STARD13: variants seen among roughly 807,000 people sequenced by gnomAD.
The protein encoded by STARD13 is StAR related lipid transfer domain containing 13, also known as stAR-related lipid transfer protein 13.
In STARD13, 62 loss-of-function variants were observed where a neutral mutation model predicts 106.4. The observed-to-expected ratio is 0.58, with a 90% CI of 0.48 to 0.72. STARD13 has a LOEUF of 0.72. Among genes scored for constraint, STARD13 ranks in the 30% least tolerant of loss-of-function variants. The pLI is 0.00. For synonymous variants in STARD13, 565 were observed against 553.0 expected (o/e 1.02, Z -0.31); for missense variants, 1,387 against 1,424.0 (o/e 0.97, Z 0.42).
At chr13:33,559,207 C>A in the STARD13 span, among the ~76,000 whole-genome samples, 3 of 151,548 alleles carry the variant, frequency 2.0e-5, no homozygotes, top group Non-Finnish European at 4.4e-5. Flanking sequence ...TAACTATTTT[C>A]TAAACTACAT....
the STARD13 span, among the ~76,000 whole-genome samples, chr13:33,492,498 A>G: frequency 6.6e-6 from 1 of 152,168 alleles, no homozygotes; most frequent in Non-Finnish European, 1.5e-5. Flanking sequence ...TAGGTCATAA[A>G]GACTTTGCTG....
intron 1 of STARD13, among the ~76,000 whole-genome samples, chr13:33,261,880 G>T (rs1395152486): frequency 2.0e-5 from 3 of 152,142 alleles, no homozygotes; most frequent in South Asian, 2.1e-4. Flanking sequence ...TGTATGCACG[G>T]GTTGCTTGGG....
the STARD13 span, among the ~76,000 whole-genome samples, chr13:33,564,450 A>G: frequency 2.1e-5 from 3 of 146,162 alleles, no homozygotes; most frequent in Non-Finnish European, 3.0e-5. Flanking sequence ...GGGAATGTAA[A>G]TTAGTAGAGT....
At chr13:33,501,023 T>TA in the STARD13 span, among the ~76,000 whole-genome samples, 222 of 143,068 alleles carry the variant, frequency 1.6e-3, no homozygotes, top group African/African-American at 5.2e-3. Flanking sequence ...AAAAAAAACC[T>TA]AAAAAAATAA....
chr13:33,290,702 C>A (rs1428325028), upstream of STARD13, among the ~76,000 whole-genome samples: 3 of 152,266 alleles, frequency 2.0e-5, no homozygotes, highest in African/African-American at 7.2e-5. Flanking sequence ...TGTGCTCTCC[C>A]GTATGCCATT....
chr13:33,553,913 T>C, the STARD13 span, among the ~76,000 whole-genome samples: 169 of 152,190 alleles, frequency 1.1e-3, no homozygotes, highest in African/African-American at 3.9e-3. Context: ...TCCCAATAAT[T>C]ATATCAAAAT....
chr13:33,174,083 G>A (rs1884267602), intron 1 of STARD13, among the ~76,000 whole-genome samples: 2 of 152,110 alleles, frequency 1.3e-5, no homozygotes, highest in Admixed American at 6.5e-5. Flanking sequence ...AAAGAAGATC[G>A]AGCAAATTCT....
the STARD13 span, among the ~76,000 whole-genome samples, chr13:33,507,413 C>T: frequency 1.3e-5 from 2 of 151,890 alleles, no homozygotes; most frequent in African/African-American, 2.4e-5. Context: ...AATTATGAAA[C>T]AATTTTAAAA....
the STARD13 span, among the ~76,000 whole-genome samples, chr13:33,433,785 A>G: frequency 6.6e-6 from 1 of 151,848 alleles, no homozygotes; most frequent in Non-Finnish European, 1.5e-5. Context: ...TCTGAGTAAC[A>G]GCAGAAATAT....
chr13:33,574,088 G>A, the STARD13 span, among the ~76,000 whole-genome samples: 14,036 of 152,148 alleles, frequency 0.092, 839 homozygotes, highest in East Asian at 0.3. Context: ...AACATGACAG[G>A]AGTTTGGAAA....
At chr13:33,172,916 A>G (rs756643438) in intron 1 of STARD13, among the ~76,000 whole-genome samples, 7 of 152,208 alleles carry the variant, frequency 4.6e-5, no homozygotes, top group Non-Finnish European at 1.0e-4. Context: ...TCCAATTTAA[A>G]TAGGTCTTCT....
the STARD13 span, among the ~76,000 whole-genome samples, chr13:33,662,579 C>G: frequency 6.6e-6 from 1 of 152,008 alleles, no homozygotes; most frequent in South Asian, 2.1e-4. Context: ...TTTAACTTCA[C>G]GTTCTGCCGT....
At chr13:33,639,674 CACTT>C in the STARD13 span, among the ~76,000 whole-genome samples, 2 of 152,222 alleles carry the variant, frequency 1.3e-5, no homozygotes, top group Non-Finnish European at 2.9e-5. Context: ...AACAGACTGT[CACTT>C]ACTCCTGTGC....
chr13:33,199,449 T>C (rs1566068457), intron 1 of STARD13, among the ~76,000 whole-genome samples: 1 of 152,220 alleles, frequency 6.6e-6, no homozygotes, highest in East Asian at 1.9e-4. Context: ...TTAGGTCCTT[T>C]GTAGAAGTAA....
chr13:33,479,342 G>A, the STARD13 span, among the ~76,000 whole-genome samples: 4 of 152,278 alleles, frequency 2.6e-5, no homozygotes, highest in African/African-American at 9.6e-5. Flanking sequence ...AGCTCCCTGT[G>A]TATTAATCCC....
chr13:33,213,983 C>G (rs1434298745), intron 1 of STARD13, among the ~76,000 whole-genome samples: 1 of 152,196 alleles, frequency 6.6e-6, no homozygotes, highest in African/African-American at 2.4e-5. Flanking sequence ...TGATCACTTT[C>G]TAAGCTGGAT....
the STARD13 span, among the ~76,000 whole-genome samples, chr13:33,434,117 C>G: frequency 6.6e-6 from 1 of 152,090 alleles, no homozygotes; most frequent in African/African-American, 2.4e-5. Flanking sequence ...CTTTAGGACG[C>G]CGAGGCAGGT....
At chr13:33,662,711 C>A in the STARD13 span, among the ~76,000 whole-genome samples, 1 of 152,194 alleles carries the variant, frequency 6.6e-6, no homozygotes, top group African/African-American at 2.4e-5. Context: ...ACTATACCCC[C>A]TCTCTATTTG....
intron 4 of STARD13, among the ~76,000 whole-genome samples, chr13:33,131,216 C>T (rs115972314): frequency 1.2e-3 from 189 of 152,300 alleles, no homozygotes; most frequent in African/African-American, 4.4e-3. Context: ...ACTGAATCAT[C>T]GGATCCTGCT....
Sources: allele counts gnomAD v4.1 joint callset (sites outside exome capture counted in the v4.1 genomes callset), GRCh38; gene constraint gnomAD v4.1.1; transcripts MANE v1.5; gene names NCBI Gene and HGNC (gene_info 2026-07-23, HGNC 2026-07-21).